Variants in PDE4D observed in about 807,000 individuals in gnomAD.
PDE4D encodes phosphodiesterase 4D.
PDE4D carries 24 observed loss-of-function variants against 87.4 expected under a neutral mutation model. That is an observed-to-expected ratio of 0.27 (90% confidence interval 0.20 to 0.39). PDE4D has a LOEUF of 0.39. Among genes scored for constraint, PDE4D ranks in the 10% least tolerant of loss-of-function variants. PDE4D has a pLI of 1.00. For synonymous variants in PDE4D, 384 were observed against 383.2 expected, an observed-to-expected ratio of 1.00 and a Z score of -0.02; for missense variants, 714 against 1,041.0, an observed-to-expected ratio of 0.69 and a Z score of 4.32.
chr5:60,398,048 G>T (rs1232457923), intron 1 of PDE4D, among the ~76,000 whole-genome samples: 3 of 152,174 alleles, frequency 2.0e-5, no homozygotes, highest in Non-Finnish European at 4.4e-5. Flanking sequence ...GATAGACCAT[G>T]AATCCAAGAG....
At chr5:59,573,772 T>C (rs967744202) in intron 1 of PDE4D, among the ~76,000 whole-genome samples, 3 of 151,370 alleles carry the variant, frequency 2.0e-5, no homozygotes, top group African/African-American at 7.3e-5. Context: ...CTGAGATGGG[T>C]GGATCACCTG....
At chr5:60,097,549 T>G (rs1054925010) in intron 2 of PDE4D, among the ~76,000 whole-genome samples, 1 of 152,046 alleles carries the variant, frequency 6.6e-6, no homozygotes, top group African/African-American at 2.4e-5. Context: ...GCCTTGCCAT[T>G]TGGGCATAGG....
At chr5:59,768,148 T>C (rs898426395) in intron 1 of PDE4D, 2 of 1,392,748 alleles carry the variant, frequency 1.4e-6, no homozygotes, top group Non-Finnish European at 2.0e-6. Flanking sequence ...TGAGGAATGA[T>C]GATGGTCCTC....
chr5:59,738,982 A>T, intron 1 of PDE4D, among the ~76,000 whole-genome samples: 1 of 152,182 alleles, frequency 6.6e-6, no homozygotes, highest in Non-Finnish European at 1.5e-5. Context: ...CCTGAGGGTG[A>T]GGAAAGCTTT....
chr5:60,237,896 A>G (rs2149647408), intron 1 of PDE4D, among the ~76,000 whole-genome samples: 1 of 152,002 alleles, frequency 6.6e-6, no homozygotes, highest in South Asian at 2.1e-4. Context: ...ATTATTATCA[A>G]ATAAAATGTT....
At position 59,156,320 on chromosome 5, in the gene PDE4D, A is replaced by AAAATATATATATAT. The variant is rs548335725; in HGVS notation, c.808+24274_808+24275insATATATATATATTT. Among the ~76,000 whole-genome samples the AAAATATATATATAT allele has an allele frequency of 4.8e-3, 392 of 81,698 alleles. 8 individuals carry two copies. The highest frequency in any genetic ancestry group is 5.9e-3 in the Non-Finnish European group (249 of 41,900). The allele number at this position is 81,698 out of a possible 152,430, so 53.6% of individuals were successfully genotyped here. On this transcript the variant is annotated intron_variant, in intron 5 of 14. Coordinates refer to ENST00000340635, the MANE Select transcript of PDE4D (RefSeq NM_001104631.2). ...CTAGAGACTTGCCAGAAAAAAAAAA[A>AAAATATATATATAT]ATATATATATATGTGTGTGTGTGTG...
chr5:60,107,204 C>G (rs988946381), intron 2 of PDE4D, among the ~76,000 whole-genome samples: 4 of 152,174 alleles, frequency 2.6e-5, no homozygotes, highest in Non-Finnish European at 5.9e-5. Flanking sequence ...GAAATACAAA[C>G]TACCATTAGA....
chr5:60,133,035 C>A (rs1335760904), intron 2 of PDE4D, among the ~76,000 whole-genome samples: 1 of 152,110 alleles, frequency 6.6e-6, no homozygotes, highest in Admixed American at 6.6e-5. Context: ...TCCACTTCCA[C>A]CAGATGAAGA....
intron 1 of PDE4D, among the ~76,000 whole-genome samples, chr5:59,759,580 T>C (rs1456440349): frequency 6.6e-6 from 1 of 152,202 alleles, no homozygotes; most frequent in African/African-American, 2.4e-5. Flanking sequence ...AAGGAAAATC[T>C]TCCTCAGGTC....
At chr5:60,341,556 T>C (rs1758318861) in intron 1 of PDE4D, among the ~76,000 whole-genome samples, 1 of 152,204 alleles carries the variant, frequency 6.6e-6, no homozygotes, top group South Asian at 2.1e-4. Flanking sequence ...TTAAAATTCC[T>C]GAAAGATTGT....
intron 5 of PDE4D, among the ~76,000 whole-genome samples, chr5:59,072,484 A>G (rs1289032107): frequency 1.3e-5 from 2 of 152,202 alleles, no homozygotes; most frequent in Non-Finnish European, 2.9e-5. Context: ...AATGGCACTC[A>G]GTCTTCAACC....
intron 1 of PDE4D, among the ~76,000 whole-genome samples, chr5:60,225,345 T>C (rs910641050): frequency 1.3e-5 from 2 of 151,980 alleles, no homozygotes; most frequent in African/African-American, 2.4e-5. Flanking sequence ...TAATAAACGT[T>C]TTTTTCCTCC....
chr5:60,301,531 A>C (rs912197197), intron 1 of PDE4D, among the ~76,000 whole-genome samples: 3 of 152,162 alleles, frequency 2.0e-5, no homozygotes, highest in Non-Finnish European at 4.4e-5. Flanking sequence ...GGTGTACAGG[A>C]ATACCAGCAA....
At chr5:59,723,021 T>A (rs1756076401) in intron 1 of PDE4D, among the ~76,000 whole-genome samples, 1 of 152,106 alleles carries the variant, frequency 6.6e-6, no homozygotes, top group Admixed American at 6.6e-5. Flanking sequence ...CTAATAATCT[T>A]ACTAAATGCT....
At chr5:59,978,992 A>G (rs1761633022) in intron 3 of PDE4D, among the ~76,000 whole-genome samples, 1 of 152,152 alleles carries the variant, frequency 6.6e-6, no homozygotes, top group Non-Finnish European at 1.5e-5. Flanking sequence ...ATTACACACT[A>G]CAATATAGTG....
chr5:59,487,061 A>G (rs960218152), intron 1 of PDE4D, among the ~76,000 whole-genome samples: 1 of 152,238 alleles, frequency 6.6e-6, no homozygotes, highest in African/African-American at 2.4e-5. Context: ...TCATATGTCC[A>G]TCATTTAAAT....
At chr5:59,895,811 T>G (rs1304303227), upstream of PDE4D, among the ~76,000 whole-genome samples, 1 of 152,328 alleles carries the variant, frequency 6.6e-6, no homozygotes, top group African/African-American at 2.4e-5. Context: ...GACTTATAAT[T>G]TTTTTCCAGA....
chr5:59,313,399 C>A (rs1773072115), intron 1 of PDE4D, among the ~76,000 whole-genome samples: 1 of 152,098 alleles, frequency 6.6e-6, no homozygotes, highest in Non-Finnish European at 1.5e-5. Flanking sequence ...AAATGGGTAT[C>A]CACTTAATAT....
At chr5:59,580,311 A>G (rs1179450983) in intron 1 of PDE4D, among the ~76,000 whole-genome samples, 1 of 152,208 alleles carries the variant, frequency 6.6e-6, no homozygotes, top group African/African-American at 2.4e-5. Context: ...GGATTTGGAT[A>G]AGAAATTCTC....
Sources: allele counts gnomAD v4.1 joint callset (sites outside exome capture counted in the v4.1 genomes callset), GRCh38; gene constraint gnomAD v4.1.1; transcripts MANE v1.5; gene names NCBI Gene and HGNC (gene_info 2026-07-23, HGNC 2026-07-21).